Variants in ANKRD13C observed in about 807,000 individuals in gnomAD.
The protein encoded by ANKRD13C is ankyrin repeat domain 13C.
Under a neutral mutation model 65.5 loss-of-function variants are expected in ANKRD13C, and 16 were observed. That is an observed-to-expected ratio of 0.24 (90% CI 0.17 to 0.37). The LOEUF (loss-of-function observed/expected upper bound fraction) is 0.37, where lower values mean the gene tolerates loss of function less well. Ranked by LOEUF, ANKRD13C falls within the 10% of genes least tolerant of loss-of-function variation. The pLI, the probability that ANKRD13C is intolerant of heterozygous loss-of-function variation, is 1.00. For synonymous variants in ANKRD13C, 235 were observed against 238.7 expected, an observed-to-expected ratio of 0.98 and a Z score of 0.14; for missense variants, 503 against 655.9, an observed-to-expected ratio of 0.77 and a Z score of 2.55.
rs1037805361 is a variant in ANKRD13C at position 70,346,874 on chromosome 1, G to A, written c.430+7105C>T. On this transcript the variant is annotated intron_variant, in intron 1 of 12. Coordinates refer to ENST00000370944, the MANE Select transcript of ANKRD13C (RefSeq NM_030816.5). ...TGGGAGGTCCAGGCGGGTGGATCAC[G>A]AGGTCAGGAGATCGAGACCATCCTG... 3.9e-5 allele frequency among the ~76,000 whole-genome samples: 6 copies of A among 151,952 alleles called. No homozygotes were observed. The South Asian group carries it at 6.2e-4, about 16-fold the overall frequency.
rs1682919926 is a variant in ANKRD13C at position 70,354,622 on chromosome 1, A to T, written c.-214T>A. The T allele has an allele frequency of 8.5e-7, 1 of 1,176,732 alleles. No individual in the cohort carries two copies. Among genetic ancestry groups the T allele is most frequent in the Admixed American group, 2.9e-5 (1 of 34,478 alleles). The allele number at this position is 1,176,732 out of a possible 1,614,324, so 72.9% of individuals were successfully genotyped here. Reference sequence around the variant, plus strand: ...GGACGCGCGCTCGCTGGGGGAAGCTAGAACTCAGGTGCCCACGACACCAGG... The same window carrying T: ...GGACGCGCGCTCGCTGGGGGAAGCTTGAACTCAGGTGCCCACGACACCAGG... On this transcript the variant is annotated 5_prime_UTR_variant, in exon 1 of 13. Transcript: ENST00000370944.
At position 70,313,731 on chromosome 1, in the gene ANKRD13C, T is replaced by C. The variant is rs372233322; in HGVS notation, c.709+14A>G. 35 of 1,593,112 alleles carry C rather than the reference T, an allele frequency of 2.2e-5. No homozygotes were observed. The African/African-American group carries it at 3.6e-4, about 17-fold the overall frequency. ...TAAGTACATATTTTATACTAAAACA[T>C]AGCATACTCTTACCCCAGCTTTGAA... On this transcript the variant is annotated intron_variant, in intron 5 of 12. Coordinates refer to ENST00000370944, the MANE Select transcript of ANKRD13C (RefSeq NM_030816.5).
intron 9 of ANKRD13C, among the ~76,000 whole-genome samples, chr1:70,281,960 A>G (rs1679413222): frequency 6.6e-6 from 1 of 151,206 alleles, no homozygotes; most frequent in Admixed American, 6.6e-5. Context: ...AGGTCATGCC[A>G]CTGCACTCCA....
At chr1:70,280,201 C>T (rs1358942073) in intron 9 of ANKRD13C, among the ~76,000 whole-genome samples, 1 of 151,988 alleles carries the variant, frequency 6.6e-6, no homozygotes, top group Non-Finnish European at 1.5e-5. Flanking sequence ...TTGAGGGTGA[C>T]AGGGGCTATG....
chr1:70,275,268 A>T (rs1679079183), intron 10 of ANKRD13C, among the ~76,000 whole-genome samples: 1 of 152,254 alleles, frequency 6.6e-6, no homozygotes, highest in Admixed American at 6.5e-5. Flanking sequence ...TCAATGTAGC[A>T]TAAAGATCTA....
chr1:70,333,428 A>T (rs1446962830), intron 2 of ANKRD13C, among the ~76,000 whole-genome samples: 1 of 152,026 alleles, frequency 6.6e-6, no homozygotes, highest in Non-Finnish European at 1.5e-5. Flanking sequence ...CCCTATCCAC[A>T]TTCCTGCTAA....
chr1:70,328,005 C>T (rs1186407244), intron 2 of ANKRD13C, among the ~76,000 whole-genome samples: 1 of 152,020 alleles, frequency 6.6e-6, no homozygotes, highest in Non-Finnish European at 1.5e-5. Flanking sequence ...GCGGAGGTTG[C>T]AGTGAGCCGA....
chr1:70,312,602 A>G (rs1246609744), intron 5 of ANKRD13C, among the ~76,000 whole-genome samples: 1 of 152,038 alleles, frequency 6.6e-6, no homozygotes, highest in Non-Finnish European at 1.5e-5. Context: ...TTCTTTGCCC[A>G]AAGTTCCTCA....
intron 9 of ANKRD13C, among the ~76,000 whole-genome samples, chr1:70,288,385 G>C (rs1679713692): frequency 6.6e-6 from 1 of 152,084 alleles, no homozygotes; most frequent in South Asian, 2.1e-4. Context: ...TGCACTCTTG[G>C]GCATTTATCC....
intron 1 of ANKRD13C, among the ~76,000 whole-genome samples, chr1:70,352,339 C>CAAAAAAAA (rs397965041): frequency 3.3e-5 from 2 of 60,770 alleles, no homozygotes; most frequent in Non-Finnish European, 6.2e-5. Context: ...GACTCCGTCT[C>CAAAAAAAA]AAAAAAAAAA....
chr1:70,313,427 G>A (rs1161310728), intron 5 of ANKRD13C, among the ~76,000 whole-genome samples: 5 of 151,976 alleles, frequency 3.3e-5, no homozygotes, highest in Non-Finnish European at 7.4e-5. Context: ...CTACTCAGGA[G>A]GCTGAGCGGG....
intron 2 of ANKRD13C, among the ~76,000 whole-genome samples, chr1:70,326,833 G>A (rs1681565133): frequency 6.6e-6 from 1 of 151,132 alleles, no homozygotes; most frequent in Non-Finnish European, 1.5e-5. Flanking sequence ...GGGAAATTTA[G>A]CATCAAAAAG....
At chr1:70,278,388 G>A (rs1213274676) in intron 9 of ANKRD13C, among the ~76,000 whole-genome samples, 1 of 151,542 alleles carries the variant, frequency 6.6e-6, no homozygotes, top group African/African-American at 2.4e-5. Flanking sequence ...AGCCACTCAG[G>A]AAGCTGAGGC....
At chr1:70,263,957 C>A (rs532484042) in intron 12 of ANKRD13C, among the ~76,000 whole-genome samples, 2 of 152,106 alleles carry the variant, frequency 1.3e-5, no homozygotes, top group East Asian at 1.9e-4. Context: ...AAACAAAATA[C>A]CTTAATTAGA....
rs552732680 is a variant in ANKRD13C, at chr1:70,279,052, A to T, written c.1216-2208T>A. Among the ~76,000 whole-genome samples, 95 of 151,974 alleles carry T rather than the reference A, an allele frequency of 6.3e-4. No homozygotes were observed. The Middle Eastern group carries it at 0.01, about 16-fold the overall frequency. The stretch of plus-strand genomic sequence containing the variant: ...CCCATCTCTACAAAAAATACAAAAA[A>T]AAAAAGTAGCCAGGCATGGTGGCAC... On this transcript the variant is annotated intron_variant, in intron 9 of 12. Transcript: ENST00000370944.
chr1:70,285,738 C>T (rs1306488450), intron 9 of ANKRD13C, among the ~76,000 whole-genome samples: 2 of 149,970 alleles, frequency 1.3e-5, no homozygotes, highest in East Asian at 2.0e-4. Context: ...TCAAGCAATT[C>T]TGCCTCAGCC....
At chr1:70,285,383 TG>T (rs1051154581) in intron 9 of ANKRD13C, among the ~76,000 whole-genome samples, 1 of 151,792 alleles carries the variant, frequency 6.6e-6, no homozygotes, top group Non-Finnish European at 1.5e-5. Context: ...TTAGTTGATA[TG>T]GGGTTTCACC....
intron 1 of ANKRD13C, among the ~76,000 whole-genome samples, chr1:70,353,321 A>AT (rs1306745145): frequency 7.2e-5 from 11 of 152,340 alleles, no homozygotes; most frequent in African/African-American, 2.2e-4. Context: ...AGTCATCAAG[A>AT]TGAGACATTA....
intron 2 of ANKRD13C, among the ~76,000 whole-genome samples, chr1:70,334,728 C>T (rs1051273758): frequency 2.6e-5 from 4 of 151,874 alleles, no homozygotes; most frequent in Admixed American, 6.6e-5. Context: ...GGTTCGAGAT[C>T]GGCCTGACCA....
Sources: gnomAD v4.1 joint callset for allele counts (sites outside exome capture counted in the v4.1 genomes callset) on GRCh38, gnomAD v4.1.1 for gene constraint, MANE v1.5 for transcripts, NCBI Gene and HGNC (gene_info 2026-07-23, HGNC 2026-07-21) for gene names.